The following NOS1 variants were observed in gnomAD, a reference collection of about 807,000 sequenced individuals.
NOS1 encodes the protein nitric oxide synthase 1.
In NOS1, 51 loss-of-function variants were observed where a neutral mutation model predicts 164.5. That is an observed-to-expected ratio of 0.31 (90% CI 0.25 to 0.39). The LOEUF is 0.39. Among genes scored for constraint, NOS1 ranks in the 10% least tolerant of loss-of-function variants. The pLI, the probability that NOS1 is intolerant of heterozygous loss-of-function variation, is 1.00. For missense variants in NOS1, 1,362 were observed against 1,885.6 expected, an observed-to-expected ratio of 0.72 and a Z score of 5.14; for synonymous variants, 719 against 745.8, an observed-to-expected ratio of 0.96 and a Z score of 0.59.
intron 2 of NOS1, among the ~76,000 whole-genome samples, chr12:117,312,769 G>C (rs1874495131): frequency 6.6e-6 from 1 of 152,092 alleles, no homozygotes; most frequent in Non-Finnish European, 1.5e-5. Context: ...AAGGGAGACA[G>C]AGAAGCTAAG....
rs559363201 is a variant in NOS1, at chr12:117,211,393, A to AC, written c.*3915dup. 2.4e-3 allele frequency: 2,384 copies of AC among 984,110 alleles called. 5 individuals carry two copies. The highest frequency in any genetic ancestry group is 2.7e-3 in the Non-Finnish European group (2,229 of 829,670). 61.0% of individuals were successfully genotyped at this position (984,110 alleles called of 1,614,324 possible). On this transcript the variant is annotated 3_prime_UTR_variant, in exon 29 of 29. Transcript: ENST00000317775. ...CACTCAAGCCTTGGTTGCAGCAATA[A>AC]CCCCCCCAACAGCTCAACGGGCCAT...
At chr12:117,260,662 G>A in intron 13 of NOS1, 53 bp from the exon 14 acceptor site, 2 of 1,582,006 alleles carry the variant, frequency 1.3e-6, no homozygotes. Context: ...GGGGAGAGAA[G>A]ATGCTGGATT....
At chr12:117,357,606 G>A (rs1566089867) in intron 1 of NOS1, among the ~76,000 whole-genome samples, 1 of 152,142 alleles carries the variant, frequency 6.6e-6, no homozygotes. Flanking sequence ...TGTACAACGA[G>A]GGTGACAGAC....
intron 27 of NOS1, 70 bp from the exon 28 acceptor site, chr12:117,218,234 G>T: frequency 1.8e-6 from 2 of 1,090,528 alleles, no homozygotes; most frequent in Non-Finnish European, 2.8e-6. Flanking sequence ...GGGCAGACTT[G>T]CCTGACACCT....
chr12:117,361,236 G>C (rs965649267), intron 1 of NOS1, among the ~76,000 whole-genome samples: 2 of 151,838 alleles, frequency 1.3e-5, no homozygotes, highest in Admixed American at 6.6e-5. Flanking sequence ...CGCGCTCCGG[G>C]TTCTGAATCC....
At chr12:117,247,170 T>C (rs907838618) in intron 18 of NOS1, among the ~76,000 whole-genome samples, 178 bp downstream of exon 18, 1 of 152,008 alleles carries the variant, frequency 6.6e-6, no homozygotes, top group Non-Finnish European at 1.5e-5. Context: ...GGGTAGAAAA[T>C]ATGTGTTTTC....
intron 3 of NOS1, among the ~76,000 whole-genome samples, chr12:117,311,265 C>T (rs1234149999): frequency 1.3e-5 from 2 of 151,966 alleles, no homozygotes; most frequent in Non-Finnish European, 2.9e-5. Flanking sequence ...CAAACAATAC[C>T]AAACCACACA....
At position 117,309,407 on chromosome 12, in the gene NOS1, C is replaced by G; in HGVS notation, c.852+2059G>C. Reference sequence around the variant, plus strand: ...CAAGGCTCTAGAATGTCTCATCCTCCCCGCTGAAGCTGTGTAGAGAACTTT... The same window carrying G: ...CAAGGCTCTAGAATGTCTCATCCTCGCCGCTGAAGCTGTGTAGAGAACTTT... On this transcript the variant is annotated intron_variant, in intron 3 of 28. Coordinates refer to ENST00000317775, the MANE Select transcript of NOS1 (RefSeq NM_000620.5). 3.0e-6 allele frequency: 3 copies of G among 984,946 alleles called. No homozygotes were observed. In the South Asian group the frequency reaches 1.4e-4, roughly 46 times the overall value. 61.0% of individuals were successfully genotyped at this position (984,946 alleles called of 1,614,324 possible).
chr12:117,242,585 G>T, intron 20 of NOS1, 42 bp downstream of exon 20: 1 of 1,513,658 alleles, frequency 6.6e-7, no homozygotes, highest in Non-Finnish European at 9.2e-7. Flanking sequence ...GGTGGCATTT[G>T]GGAGAAGACG....
intron 1 of NOS1, among the ~76,000 whole-genome samples, chr12:117,347,106 G>A (rs2101238): frequency 0.25 from 37,602 of 151,814 alleles, 4,799 homozygotes; most frequent in African/African-American, 0.29. Flanking sequence ...GGCCAAGATG[G>A]TAAAACCCTG....
chr12:117,285,169 C>T lies in NOS1; in HGVS notation c.1382+72G>A. ...TGCATTTCCCTGGCAGGTGAGCTGA[C>T]TCCAGAGTCAAAGTACAATGCTGTG... On this transcript the variant is annotated intron_variant, in intron 7 of 28. Coordinates refer to ENST00000317775, the MANE Select transcript of NOS1 (RefSeq NM_000620.5). 5 of 969,886 alleles carry T rather than the reference C, an allele frequency of 5.2e-6. No individual in the cohort carries two copies. The South Asian group carries it at 7.3e-5, about 14-fold the overall frequency. 60.1% of individuals were successfully genotyped at this position (969,886 alleles called of 1,614,324 possible). A position where few individuals can be genotyped will look rare whatever the true frequency, so the allele number is the denominator to read the frequency against.
At chr12:117,254,102 A>C (rs1461358900) in intron 16 of NOS1, among the ~76,000 whole-genome samples, 1 of 145,926 alleles carries the variant, frequency 6.9e-6, no homozygotes, top group Non-Finnish European at 1.5e-5. Context: ...CCTTGTTTCT[A>C]AAAAAAAAAA....
rs557772213 is a variant in NOS1 at position 117,244,469 on chromosome 12, C to T, written c.2824-1034G>A. Among the ~76,000 whole-genome samples, 198 of 152,184 alleles carry T rather than the reference C, an allele frequency of 1.3e-3. 1 individual carries two copies. The highest frequency in any genetic ancestry group is 4.5e-3 in the African/African-American group (188 of 41,526). ...GGCCAGGCTGGTTTCGAGCTTCTGG[C>T]CTCAAGCAATTTGCCCGCCTCAGCC... On this transcript the variant is annotated intron_variant, in intron 18 of 28. Transcript: ENST00000317775.
In NOS1 at chr12:117,340,955, C is replaced by T. The variant is rs1177536456; in HGVS notation, c.-420-9466G>A. Among the ~76,000 whole-genome samples, 5 of 142,422 alleles carry T rather than the reference C, an allele frequency of 3.5e-5. No individual in the cohort carries two copies. In the Admixed American group the frequency reaches 3.8e-4, roughly 11 times the overall value. 93.4% of individuals were successfully genotyped at this position (142,422 alleles called of 152,430 possible). ...GGCCAGGCTGGTCTCGAACTCCTAT[C>T]CTCAAGTGATCCACCTGCCTCGGCC... On this transcript the variant is annotated intron_variant, in intron 1 of 28. Coordinates refer to ENST00000317775, the MANE Select transcript of NOS1 (RefSeq NM_000620.5).
chr12:117,239,974 TG>T (rs1870038210), intron 20 of NOS1, among the ~76,000 whole-genome samples: 1 of 147,518 alleles, frequency 6.8e-6, no homozygotes, highest in Non-Finnish European at 1.5e-5. Context: ...TTGGTGGGGG[TG>T]GGGGCTGATT....
chr12:117,252,246 G>A (rs1200822710), intron 17 of NOS1, among the ~76,000 whole-genome samples: 1 of 152,106 alleles, frequency 6.6e-6, no homozygotes, highest in African/African-American at 2.4e-5. Context: ...TCATTTTTTG[G>A]GAGAGAATAA....
Position 117,212,733 on chromosome 12 carries a change from G to A in NOS1, c.*2576C>T, listed in dbSNP as rs1956547463. 2.0e-6 allele frequency: 2 copies of A among 985,352 alleles called. No homozygotes were observed. Among genetic ancestry groups the A allele is most frequent in the South Asian group, 4.7e-5 (1 of 21,284 alleles). 61.0% of individuals were successfully genotyped at this position (985,352 alleles called of 1,614,324 possible). A position where few individuals can be genotyped will look rare whatever the true frequency, so the allele number is the denominator to read the frequency against. On this transcript the variant is annotated 3_prime_UTR_variant, in exon 29 of 29. Transcript: ENST00000317775. ...GCTTAATTCTATTTTGCACTTAAACGGTTGGCTACGAGGCCTGGATGAAAA... is the reference window on the plus strand; with the variant it reads ...GCTTAATTCTATTTTGCACTTAAACAGTTGGCTACGAGGCCTGGATGAAAA...
rs963682788 is a variant in NOS1, at chr12:117,331,160, C to T, written c.-91G>A. On this transcript the variant is annotated 5_prime_UTR_variant, in exon 2 of 29. Coordinates refer to ENST00000317775, the MANE Select transcript of NOS1 (RefSeq NM_000620.5). The stretch of plus-strand genomic sequence containing the variant: ...CCAGGAGGATCCAGGCTTCAGGCTA[C>T]ACGGAGAGCAGGAGCCGGGGTGACA... 32 of 1,489,704 alleles carry T rather than the reference C, an allele frequency of 2.1e-5. No homozygotes were observed. In the African/African-American group the frequency reaches 3.4e-4, roughly 16 times the overall value. 92.3% of individuals were successfully genotyped at this position (1,489,704 alleles called of 1,614,324 possible).
chr12:117,250,487 C>T (rs183984302), intron 17 of NOS1, among the ~76,000 whole-genome samples: 79 of 152,120 alleles, frequency 5.2e-4, no homozygotes, highest in Non-Finnish European at 1.8e-4. Context: ...CATAACCACG[C>T]GTGGCTAATT....
Sources: gnomAD v4.1 joint callset for allele counts (sites outside exome capture counted in the v4.1 genomes callset) on GRCh38, gnomAD v4.1.1 for gene constraint, MANE v1.5 for transcripts, NCBI Gene and HGNC (gene_info 2026-07-23, HGNC 2026-07-21) for gene names.